BZW1: variants seen among roughly 807,000 people sequenced by gnomAD.
BZW1 encodes the protein eIF5-mimic protein 2.
BZW1 carries 3 observed loss-of-function variants against 54.1 expected under a neutral mutation model. That is an observed-to-expected ratio of 0.06 (90% CI 0.03 to 0.14). BZW1 has a LOEUF of 0.14. Among genes scored for constraint, BZW1 ranks in the 10% least tolerant of loss-of-function variants. The pLI is 1.00. For synonymous variants in BZW1, 152 were observed against 162.7 expected, an observed-to-expected ratio of 0.93 and a Z score of 0.50; for missense variants, 206 against 491.7, an observed-to-expected ratio of 0.42 and a Z score of 5.50.
At chr2:200,821,808 C>T (rs903311441) in intron 11 of BZW1, among the ~76,000 whole-genome samples, 11 of 152,158 alleles carry the variant, frequency 7.2e-5, no homozygotes, top group Admixed American at 2.0e-4. Flanking sequence ...TGGTGGCTCA[C>T]GCCTGTAATC....
intron 9 of BZW1, 137 bp downstream of exon 9, chr2:200,819,038 G>C (rs1195806539): frequency 1.0e-6 from 1 of 990,664 alleles, no homozygotes; most frequent in Non-Finnish European, 1.4e-6. Context: ...TAAACAAATA[G>C]TAACATTAGC....
At chr2:200,818,421 A>G (rs773326860) in intron 8 of BZW1, 28 bp downstream of exon 8, 9 of 1,591,124 alleles carry the variant, frequency 5.7e-6, no homozygotes, top group Non-Finnish European at 8.5e-7. Context: ...CCGTCTTTTT[A>G]TGGCTAAGCT....
chr2:200,812,462 TCGTTG>T, intron 1 of BZW1: 1 of 1,339,240 alleles, frequency 7.5e-7, no homozygotes, highest in Non-Finnish European at 9.6e-7. Context: ...TGTGGTCCGC[TCGTTG>T]CGGCGGCCGC....
rs551647658 is a variant in BZW1 at position 200,814,017 on chromosome 2, T to C, written c.64+736T>C. On this transcript the variant is annotated intron_variant, in intron 2 of 11. Transcript: ENST00000409600. ...GTAGCAGACATTTTGAGATATATAT[T>C]GTAGAATTTTAAAATCACTAATCAT... Among the ~76,000 whole-genome samples, 6 of 152,348 alleles carry C rather than the reference T, an allele frequency of 3.9e-5. No individual in the cohort carries two copies. In the East Asian group the frequency reaches 1.2e-3, roughly 29 times the overall value.
rs191186423 is a variant in BZW1 at position 200,813,517 on chromosome 2, C to T, written c.64+236C>T. ...TAAGCCGGTTAGTGAATCTTCTTTT[C>T]GGTGTGAAGGTAAAATATTTTTAAA... is the stretch of plus-strand genomic sequence containing the variant. On this transcript the variant is annotated intron_variant, in intron 2 of 11. Transcript: ENST00000409600. The T allele has an allele frequency of 7.9e-5, 27 of 342,948 alleles. No individual in the cohort carries two copies. The East Asian group carries it at 1.0e-3, about 13-fold the overall frequency. The allele number at this position is 342,948 out of a possible 1,614,324, so 21.2% of individuals were successfully genotyped here.
In BZW1 at chr2:200,820,067, A is replaced by C; in HGVS notation, c.1052A>C (p.Asp351Ala). 1 of 1,556,448 alleles carries C rather than the reference A, an allele frequency of 6.4e-7. No homozygotes were observed. The highest frequency in any genetic ancestry group is 8.7e-7 in the Non-Finnish European group (1 of 1,149,618). Residue 351 changes from aspartate (D) to alanine (A), a missense_variant, in exon 10 of 12, where the codon GAC becomes GCC. This residue lies in a region of BZW1 where 60 missense variants were observed against 151.8 expected (regional missense o/e 0.40). Coordinates refer to ENST00000409600, the MANE Select transcript of BZW1 (RefSeq NM_001207067.2). ...CTGAAGATTCAGGAGTATTGCTATG[A>C]CAACATTCATTTCATGAAAGCCTTC... is the stretch of plus-strand genomic sequence containing the variant. ...LLLKIQEYCYDNIHFMKAFQK... is the reference protein window; with the variant it reads ...LLLKIQEYCYANIHFMKAFQK...
rs1285331060 is a variant in BZW1 at position 200,825,760 on chromosome 2, C to A, written c.*3582C>A. 1 of 152,232 alleles carries A rather than the reference C, an allele frequency of 6.6e-6. No individual in the cohort carries two copies. The highest frequency in any genetic ancestry group is 1.5e-5 in the Non-Finnish European group (1 of 68,044). 9.4% of individuals were successfully genotyped at this position (152,232 alleles called of 1,614,324 possible). On this transcript the variant is annotated 3_prime_UTR_variant, in exon 12 of 12. Transcript: ENST00000409600. Reference sequence around the variant, plus strand: ...ACACTGATAAACCTCTGCTCTCATACTGAAGTAGGCTGCTTGCAGGAACTG... The same window carrying A: ...ACACTGATAAACCTCTGCTCTCATAATGAAGTAGGCTGCTTGCAGGAACTG...
intron 11 of BZW1, among the ~76,000 whole-genome samples, chr2:200,821,558 CTT>C (rs60011087): frequency 1.4e-5 from 2 of 144,670 alleles, no homozygotes; most frequent in Admixed American, 6.9e-5. Context: ...GATTTCTTTT[CTT>C]TTTTTTTTTA....
chr2:200,825,844 A>G lies in BZW1; in HGVS notation c.*3666A>G, dbSNP rs2038675754. 6.6e-6 allele frequency: 1 copy of G among 152,250 alleles called. No individual in the cohort carries two copies. Among genetic ancestry groups the G allele is most frequent in the African/African-American group, 2.4e-5 (1 of 41,470 alleles). The allele number at this position is 152,250 out of a possible 1,614,324, so 9.4% of individuals were successfully genotyped here. A position where few individuals can be genotyped will look rare whatever the true frequency, so the allele number is the denominator to read the frequency against. ...TGCCAAAGTTTTAGTGTACAGTGTT[A>G]CTTAAATTACCAAATTACCTTTGTA... On this transcript the variant is annotated 3_prime_UTR_variant, in exon 12 of 12. Transcript: ENST00000409600.
chr2:200,812,313 C>A, intron 1 of BZW1: 2 of 1,258,032 alleles, frequency 1.6e-6, no homozygotes, highest in Non-Finnish European at 2.0e-6. Context: ...GTGTGATGTA[C>A]GCGTGGGGGC....
chr2:200,821,104 C>T, intron 10 of BZW1, 79 bp from the exon 11 acceptor site: 1 of 1,514,594 alleles, frequency 6.6e-7, no homozygotes, highest in East Asian at 2.3e-5. Context: ...GCTAAGCAGG[C>T]ATTTGCACAT....
In BZW1 at chr2:200,812,097, C is replaced by T. The variant is rs944686270; in HGVS notation, c.-11+107C>T. On this transcript the variant is annotated intron_variant, in intron 1 of 11. Transcript: ENST00000409600. ...GGATGCGGCCCGGCTTGGATGGGCC[C>T]GAACGGAGGTCGCCTCTTGAGGCCG... The T allele has an allele frequency of 7.4e-4, 458 of 622,982 alleles. 5 individuals carry two copies. Among genetic ancestry groups the T allele is most frequent in the Non-Finnish European group, 1.2e-4 (53 of 434,716 alleles). 38.6% of individuals were successfully genotyped at this position (622,982 alleles called of 1,614,324 possible).
intron 2 of BZW1, among the ~76,000 whole-genome samples, chr2:200,813,697 G>C (rs2038176709): frequency 6.6e-6 from 1 of 152,184 alleles, no homozygotes; most frequent in South Asian, 2.1e-4. Flanking sequence ...ACCCATGGAA[G>C]TTAATTGTGG....
In BZW1 at chr2:200,823,940, GTAATAAT is replaced by G. The variant is rs1036165575; in HGVS notation, c.*1765_*1771del. ...CTTTACTGTATCTGTATACCATTAA[GTAATAAT>G]TAGACTCCCAAACTGTAAACCACCT... On this transcript the variant is annotated 3_prime_UTR_variant, in exon 12 of 12. Transcript: ENST00000409600. 11 of 151,916 alleles carry G rather than the reference GTAATAAT, an allele frequency of 7.2e-5. No homozygotes were observed. The highest frequency in any genetic ancestry group is 2.7e-4 in the African/African-American group (11 of 41,394). 9.4% of individuals were successfully genotyped at this position (151,916 alleles called of 1,614,324 possible).
chr2:200,816,369 T>A lies in BZW1; in HGVS notation c.381T>A (p.Gly127=), dbSNP rs2038289053. ...GGCGCTACAAATACCTGGAGAAAGG[T>A]TTTGAAGATGAAGTAAAAAAGGTAT... ...LIRRYKYLEK[G]FEDEVKKLLL... is the part of the protein sequence containing the mutation. The change falls in exon 5 of 12, where the codon GGT becomes GGA. Residue 127 remains glycine (G), a synonymous_variant. Transcript: ENST00000409600. 1 of 1,585,264 alleles carries A rather than the reference T, an allele frequency of 6.3e-7. No individual in the cohort carries two copies. The highest frequency in any genetic ancestry group is 1.3e-5 in the African/African-American group (1 of 74,698).
chr2:200,815,374 A>G lies in BZW1; in HGVS notation c.98A>G (p.Gln33Arg). The change falls in exon 3 of 12, where the codon CAA (glutamine) becomes CGA (arginine). Residue 33 changes from glutamine to arginine, a missense_variant. By Grantham distance (43) the Gln-to-Arg change is conservative. Around this residue, in one of 5 missense-constraint regions of BZW1, gnomAD observed 26 missense variants for 26.9 expected, o/e 0.97. Transcript: ENST00000409600. ...GAGAGGTTTGACCCTACTCAGTTTC[A>G]AGACTGTATTATTCAAGGCTTAACT... Reference protein sequence around the residue: ...EKERFDPTQFQDCIIQGLTET... With the variant: ...EKERFDPTQFRDCIIQGLTET... 1 of 1,613,626 alleles carries G rather than the reference A, an allele frequency of 6.2e-7. No homozygotes were observed. The highest frequency in any genetic ancestry group is 8.5e-7 in the Non-Finnish European group (1 of 1,179,712).
In BZW1 at chr2:200,827,263, C is replaced by T. The variant is rs1304580731; in HGVS notation, c.*5085C>T. ...ATTGCTGCGTTATTTCTGTGTTTAA[C>T]TGTGAAACTTGCTTCTTGTCTGTAC... On this transcript the variant is annotated 3_prime_UTR_variant, in exon 12 of 12. Coordinates refer to ENST00000409600, the MANE Select transcript of BZW1 (RefSeq NM_001207067.2). 6.6e-6 allele frequency: 1 copy of T among 152,170 alleles called. No individual in the cohort carries two copies. Among genetic ancestry groups the T allele is most frequent in the Non-Finnish European group, 1.5e-5 (1 of 68,026 alleles). 9.4% of individuals were successfully genotyped at this position (152,170 alleles called of 1,614,324 possible). A position where few individuals can be genotyped will look rare whatever the true frequency, so the allele number is the denominator to read the frequency against.
At chr2:200,812,435 C>T (rs1575044774) in intron 1 of BZW1, 1 of 1,294,760 alleles carries the variant, frequency 7.7e-7, no homozygotes, top group East Asian at 3.1e-5. Flanking sequence ...GGCCCCGGCG[C>T]AAAGCGCCTC....
At chr2:200,817,363 TA>T in intron 6 of BZW1, 122 bp downstream of exon 6, 1 of 1,267,452 alleles carries the variant, frequency 7.9e-7, no homozygotes, top group Non-Finnish European at 1.1e-6. Context: ...TTAAATTTAA[TA>T]AGTTCAGTCT....
Sources: gnomAD v4.1 joint callset for allele counts (sites outside exome capture counted in the v4.1 genomes callset) on GRCh38, gnomAD v4.1.1 for gene constraint, gnomAD v4.1.1 regional missense constraint, MANE v1.5 for transcripts, NCBI Gene and HGNC (gene_info 2026-07-23, HGNC 2026-07-21) for gene names.